Variants in MEIKIN observed in about 807,000 individuals in gnomAD.
The protein encoded by MEIKIN is meiotic kinetochore factor.
chr5:131,858,761 T>C (rs1326443673), intron 9 of MEIKIN, among the ~76,000 whole-genome samples: 1 of 152,116 alleles, frequency 6.6e-6, no homozygotes, highest in African/African-American at 2.4e-5. Context: ...CATTAAAAAG[T>C]GGGCAAAGGC....
intron 8 of MEIKIN, among the ~76,000 whole-genome samples, chr5:131,890,170 T>C (rs1000132817): frequency 6.6e-6 from 1 of 152,198 alleles, no homozygotes; most frequent in Non-Finnish European, 1.5e-5. Flanking sequence ...TCTCTTTTTG[T>C]TGTGTCTCTG....
chr5:131,889,738 C>A (rs1298283631), intron 8 of MEIKIN, among the ~76,000 whole-genome samples: 1 of 152,178 alleles, frequency 6.6e-6, no homozygotes, highest in Non-Finnish European at 1.5e-5. Flanking sequence ...ACCAGAACTT[C>A]CAACACTATG....
At chr5:131,847,933 G>A (rs182364555) in intron 11 of MEIKIN, among the ~76,000 whole-genome samples, 111 of 151,322 alleles carry the variant, frequency 7.3e-4, no homozygotes, top group South Asian at 6.3e-3. Flanking sequence ...ACACCAATGG[G>A]CCAAAGTAGA....
chr5:131,935,894 TAGTA>T (rs768050974), intron 4 of MEIKIN, among the ~76,000 whole-genome samples: 56 of 152,138 alleles, frequency 3.7e-4, no homozygotes, highest in Non-Finnish European at 7.4e-4. Context: ...ACTGTCAGAG[TAGTA>T]GGCTTTCCCT....
chr5:131,883,406 G>T (rs767795931), intron 8 of MEIKIN, among the ~76,000 whole-genome samples: 7 of 152,208 alleles, frequency 4.6e-5, no homozygotes, highest in Non-Finnish European at 1.0e-4. Context: ...TGGCAATTAA[G>T]ATTGCAAGTC....
At chr5:131,870,589 A>C (rs1750471862) in intron 9 of MEIKIN, among the ~76,000 whole-genome samples, 1 of 152,110 alleles carries the variant, frequency 6.6e-6, no homozygotes, top group Non-Finnish European at 1.5e-5. Context: ...TTCCATCTTC[A>C]TGCATTCTCA....
chr5:131,917,448 C>G (rs1751431292), intron 6 of MEIKIN, among the ~76,000 whole-genome samples: 1 of 151,728 alleles, frequency 6.6e-6, no homozygotes, highest in African/African-American at 2.4e-5. Context: ...TGCCTGTAAT[C>G]CCAGCTACTT....
At chr5:131,925,067 A>G (rs149878962) in intron 5 of MEIKIN, among the ~76,000 whole-genome samples, 1 of 152,306 alleles carries the variant, frequency 6.6e-6, no homozygotes, top group African/African-American at 2.4e-5. Flanking sequence ...CATTTGTTGA[A>G]GAAAGTATCC....
At chr5:131,936,742 G>A (rs946197945) in intron 4 of MEIKIN, among the ~76,000 whole-genome samples, 4 of 151,940 alleles carry the variant, frequency 2.6e-5, no homozygotes, top group African/African-American at 7.3e-5. Context: ...TTACAGGTGC[G>A]TGCTGCTACG....
intron 9 of MEIKIN, among the ~76,000 whole-genome samples, chr5:131,861,907 T>C (rs1580876976): frequency 6.6e-6 from 1 of 152,154 alleles, no homozygotes; most frequent in East Asian, 1.9e-4. Context: ...TAGTTTTCTC[T>C]TTGCTGTTGT....
intron 9 of MEIKIN, among the ~76,000 whole-genome samples, chr5:131,877,676 G>A (rs1484813319): frequency 6.6e-6 from 1 of 151,984 alleles, no homozygotes; most frequent in African/African-American, 2.4e-5. Context: ...AAAAGACCCC[G>A]ATGCCATGCC....
chr5:131,939,475 T>C (rs181914633), intron 4 of MEIKIN, among the ~76,000 whole-genome samples: 108 of 152,286 alleles, frequency 7.1e-4, no homozygotes, highest in Middle Eastern at 3.4e-3. Context: ...GTCTCTTCTT[T>C]TTGAACCTAC....
intron 8 of MEIKIN, among the ~76,000 whole-genome samples, chr5:131,880,656 C>A (rs1337231974): frequency 1.3e-5 from 2 of 152,234 alleles, no homozygotes; most frequent in African/African-American, 4.8e-5. Flanking sequence ...TCCTTGTATA[C>A]TTAAAATGCA....
In MEIKIN at chr5:131,851,342, T is replaced by G. The variant is rs1170169619; in HGVS notation, c.897A>C (p.Leu299=). 5.0e-6 allele frequency: 2 copies of G among 398,082 alleles called. No homozygotes were observed. Among genetic ancestry groups the G allele is most frequent in the Non-Finnish European group, 4.4e-6 (1 of 225,552 alleles). The allele number at this position is 398,082 out of a possible 1,614,324, so 24.7% of individuals were successfully genotyped here. The change falls in exon 11 of 13, where the codon CTA becomes CTC. Residue 299 remains leucine (L), a synonymous_variant. Coordinates refer to ENST00000442687, the MANE Select transcript of MEIKIN (RefSeq NM_001303622.2). ...SSVQKASFEE[L]FPNVSNYVNS... ...TAACATAATTGCTGACATTTGGAAA[T>G]AGTTCTTCAAAAGATGCTTTTTGCA...
intron 12 of MEIKIN, among the ~76,000 whole-genome samples, chr5:131,813,057 G>A (rs1773026042): frequency 6.6e-6 from 1 of 152,176 alleles, no homozygotes; most frequent in East Asian, 1.9e-4. Flanking sequence ...AAATGGAAGT[G>A]GTTTATGTAA....
At chr5:131,878,545 T>C (rs1486773726) in intron 9 of MEIKIN, among the ~76,000 whole-genome samples, 1 of 152,024 alleles carries the variant, frequency 6.6e-6, no homozygotes, top group Admixed American at 6.6e-5. Flanking sequence ...CCACCCTGGA[T>C]GACAGAGTGA....
chr5:131,837,665 A>G (rs1009024958), intron 11 of MEIKIN, among the ~76,000 whole-genome samples: 1 of 151,914 alleles, frequency 6.6e-6, no homozygotes, highest in Non-Finnish European at 1.5e-5. Context: ...GCTTAACTGT[A>G]ATTGGTGTAT....
At chr5:131,930,866 A>C (rs936567961) in intron 5 of MEIKIN, among the ~76,000 whole-genome samples, 1 of 152,084 alleles carries the variant, frequency 6.6e-6, no homozygotes, top group African/African-American at 2.4e-5. Flanking sequence ...TTTTTGTTGA[A>C]ATTCTTATTT....
intron 11 of MEIKIN, among the ~76,000 whole-genome samples, chr5:131,822,396 A>G (rs1446663171): frequency 6.6e-6 from 1 of 150,634 alleles, no homozygotes; most frequent in Non-Finnish European, 1.5e-5. Context: ...TTTTCCTTTT[A>G]GTGAAGATGA....
Sources: allele counts gnomAD v4.1 joint callset (sites outside exome capture counted in the v4.1 genomes callset), GRCh38; gene constraint gnomAD v4.1.1; transcripts MANE v1.5; gene names NCBI Gene and HGNC (gene_info 2026-07-23, HGNC 2026-07-21).